BMPR2: variants seen among roughly 807,000 people sequenced by gnomAD.
The protein encoded by BMPR2 is bone morphogenetic protein receptor type 2, also known as bone morphogenetic protein receptor type-2.
In BMPR2, 29 loss-of-function variants were observed where a neutral mutation model predicts 100.8. The observed-to-expected ratio is 0.29, with a 90% CI of 0.21 to 0.39. The LOEUF (loss-of-function observed/expected upper bound fraction) is 0.39, where lower values mean the gene tolerates loss of function less well. Ranked by LOEUF, BMPR2 falls within the 10% of genes least tolerant of loss-of-function variation. The probability of loss-of-function intolerance (pLI) is 1.00; values close to 1 mark genes in which losing one functional copy is unlikely to be tolerated. For synonymous variants in BMPR2, 382 were observed against 442.3 expected, an observed-to-expected ratio of 0.86 and a Z score of 1.71; for missense variants, 1,011 against 1,274.5, an observed-to-expected ratio of 0.79 and a Z score of 3.15.
intron 1 of BMPR2, among the ~76,000 whole-genome samples, chr2:202,418,632 G>A (rs1297198784): frequency 6.6e-6 from 1 of 152,138 alleles, no homozygotes; most frequent in Non-Finnish European, 1.5e-5. Flanking sequence ...GGGACTTCCA[G>A]GTCATAGGCA....
chr2:202,561,452 TG>T lies in BMPR2; in HGVS notation c.*1507del, dbSNP rs1175876286. On this transcript the variant is annotated 3_prime_UTR_variant, in exon 13 of 13. Coordinates refer to ENST00000374580, the MANE Select transcript of BMPR2 (RefSeq NM_001204.7). ...AATCTCCTCTAAAACAACCTCTGCA[TG>T]TTTTTTTTAAATAAAGCACTTTCTG... 1 of 152,152 alleles carries T rather than the reference TG, an allele frequency of 6.6e-6. No homozygotes were observed. The highest frequency in any genetic ancestry group is 6.6e-5 in the Admixed American group (1 of 15,264). The allele number at this position is 152,152 out of a possible 1,614,324, so 9.4% of individuals were successfully genotyped here.
At chr2:202,494,574 T>C (rs973081111) in intron 3 of BMPR2, among the ~76,000 whole-genome samples, 2 of 152,226 alleles carry the variant, frequency 1.3e-5, no homozygotes, top group African/African-American at 4.8e-5. Flanking sequence ...GCCCAACTAT[T>C]GCACAGGCAT....
At chr2:202,422,985 T>G (rs543919263) in intron 1 of BMPR2, among the ~76,000 whole-genome samples, 64 of 152,234 alleles carry the variant, frequency 4.2e-4, no homozygotes, top group African/African-American at 1.5e-3. Flanking sequence ...GCCTGTATAT[T>G]CTTTTAAAAT....
At chr2:202,389,442 G>A (rs765341317) in intron 1 of BMPR2, among the ~76,000 whole-genome samples, 5 of 146,860 alleles carry the variant, frequency 3.4e-5, no homozygotes, top group South Asian at 2.2e-4. Flanking sequence ...CAGGAGAATC[G>A]CTTGAACCCG....
At chr2:202,538,443 C>T (rs1275804411) in intron 9 of BMPR2, among the ~76,000 whole-genome samples, 1 of 151,016 alleles carries the variant, frequency 6.6e-6, no homozygotes, top group Non-Finnish European at 1.5e-5. Context: ...GGCAACAGAG[C>T]GAGACTCCAT....
At chr2:202,553,118 A>C (rs1688510829) in intron 11 of BMPR2, among the ~76,000 whole-genome samples, 1 of 152,234 alleles carries the variant, frequency 6.6e-6, no homozygotes. Flanking sequence ...TAGTGAAAGA[A>C]GTTAGTCTTT....
At chr2:202,452,418 T>C (rs1318578908) in intron 1 of BMPR2, among the ~76,000 whole-genome samples, 1 of 152,260 alleles carries the variant, frequency 6.6e-6, no homozygotes, top group Non-Finnish European at 1.5e-5. Context: ...AATAAATTGC[T>C]ATTGTATGAG....
At chr2:202,524,667 C>T (rs558309594) in intron 7 of BMPR2, among the ~76,000 whole-genome samples, 53 of 151,882 alleles carry the variant, frequency 3.5e-4, no homozygotes, top group African/African-American at 1.2e-3. Context: ...TGTTTGAGCC[C>T]GGGAGGCGGA....
At chr2:202,389,860 G>A (rs565672734) in intron 1 of BMPR2, among the ~76,000 whole-genome samples, 270 of 151,870 alleles carry the variant, frequency 1.8e-3, no homozygotes, top group Non-Finnish European at 3.2e-3. Flanking sequence ...GGCTGGTCTC[G>A]AACTCCTGAC....
At chr2:202,547,832 CCAG>C (rs1297589881) in intron 10 of BMPR2, among the ~76,000 whole-genome samples, 2 of 150,738 alleles carry the variant, frequency 1.3e-5, no homozygotes, top group Non-Finnish European at 2.9e-5. Context: ...GCCTATAATC[CCAG>C]CACTTTGGGA....
intron 10 of BMPR2, among the ~76,000 whole-genome samples, chr2:202,547,515 G>A (rs1207052849): frequency 6.6e-6 from 1 of 152,148 alleles, no homozygotes; most frequent in South Asian, 2.1e-4. Flanking sequence ...AGGCACGGTG[G>A]CTCACGCCTG....
intron 1 of BMPR2, among the ~76,000 whole-genome samples, chr2:202,445,472 C>A (rs1691831162): frequency 6.7e-6 from 1 of 150,310 alleles, no homozygotes; most frequent in Non-Finnish European, 1.5e-5. Context: ...AGCAGTCCAA[C>A]CATCTCAGCC....
At chr2:202,380,004 C>CCCA (rs1690243021) in intron 1 of BMPR2, among the ~76,000 whole-genome samples, 1 of 152,020 alleles carries the variant, frequency 6.6e-6, no homozygotes, top group African/African-American at 2.4e-5. Flanking sequence ...ATTACGGGAG[C>CCCA]CCACCACCAT....
Position 202,397,092 on chromosome 2 carries a change from C to T in BMPR2, c.76+19542C>T, listed in dbSNP as rs556452221. Among the ~76,000 whole-genome samples the T allele has an allele frequency of 6.6e-5, 10 of 152,220 alleles. No homozygotes were observed. The South Asian group carries it at 2.1e-3, about 32-fold the overall frequency. On this transcript the variant is annotated intron_variant, in intron 1 of 12. Coordinates refer to ENST00000374580, the MANE Select transcript of BMPR2 (RefSeq NM_001204.7). ...GATTACAGGCATGAGCCACCGTGCC[C>T]AGCCTGAGCAAGAAACTTTTTATTG...
chr2:202,520,303 G>A, intron 7 of BMPR2, 102 bp downstream of exon 7: 1 of 824,904 alleles, frequency 1.2e-6, no homozygotes, highest in East Asian at 2.7e-5. Flanking sequence ...TTATATTATT[G>A]GAGATTTATT....
In BMPR2 at chr2:202,380,970, T is replaced by C. The variant is rs1690276673; in HGVS notation, c.76+3420T>C. ...GGCCCTGGATTTCTTTCTTTCTTTT[T>C]TTTTTTTTTTTTTTTTTTTTTTGAG... On this transcript the variant is annotated intron_variant, in intron 1 of 12. Coordinates refer to ENST00000374580, the MANE Select transcript of BMPR2 (RefSeq NM_001204.7). Among the ~76,000 whole-genome samples the C allele has an allele frequency of 2.4e-5, 3 of 126,946 alleles. No homozygotes were observed. The South Asian group carries it at 8.1e-4, about 34-fold the overall frequency. The allele number at this position is 126,946 out of a possible 152,430, so 83.3% of individuals were successfully genotyped here.
intron 1 of BMPR2, among the ~76,000 whole-genome samples, chr2:202,432,378 T>G (rs1691523771): frequency 6.6e-6 from 1 of 150,568 alleles, no homozygotes; most frequent in East Asian, 1.9e-4. Context: ...AGCACAGTGG[T>G]ATTTAAGTAG....
intron 1 of BMPR2, among the ~76,000 whole-genome samples, chr2:202,397,220 A>C (rs1690672219): frequency 6.6e-6 from 1 of 152,212 alleles, no homozygotes; most frequent in Non-Finnish European, 1.5e-5. Flanking sequence ...AACCTAAGAC[A>C]TCATCAATCA....
chr2:202,538,649 C>T (rs1199900345), intron 9 of BMPR2, among the ~76,000 whole-genome samples: 1 of 151,750 alleles, frequency 6.6e-6, no homozygotes, highest in African/African-American at 2.4e-5. Flanking sequence ...AAAAAATTAG[C>T]CGGGCTTGGT....
Sources: gnomAD v4.1 joint callset for allele counts (sites outside exome capture counted in the v4.1 genomes callset) on GRCh38, gnomAD v4.1.1 for gene constraint, MANE v1.5 for transcripts, NCBI Gene and HGNC (gene_info 2026-07-23, HGNC 2026-07-21) for gene names.